Variants in RALGAPA2 observed in about 807,000 individuals in gnomAD.
RALGAPA2 encodes Ral GTPase activating protein catalytic subunit alpha 2.
Under a neutral mutation model 230.4 loss-of-function variants are expected in RALGAPA2, and 139 were observed. The ratio of observed to expected loss-of-function variants is 0.60; its 90% confidence interval spans 0.53 to 0.69. The LOEUF (loss-of-function observed/expected upper bound fraction) is 0.69, where lower values mean the gene tolerates loss of function less well. Ranked by LOEUF, RALGAPA2 falls within the 30% of genes least tolerant of loss-of-function variation. The probability of loss-of-function intolerance (pLI) is 0.00; values close to 1 mark genes in which losing one functional copy is unlikely to be tolerated. For synonymous variants in RALGAPA2, 847 were observed against 837.8 expected, an observed-to-expected ratio of 1.01 and a Z score of -0.19; for missense variants, 2,163 against 2,276.0, an observed-to-expected ratio of 0.95 and a Z score of 1.01.
rs1472904116 is a variant in RALGAPA2 at position 20,458,838 on chromosome 20, ACC to A, written c.5495+13989_5495+13990del. ...TATATAGACCTATATATATATATAG[ACC>A]TATATATATATAGACCTATATATAT... On this transcript the variant is annotated intron_variant, in intron 37 of 39. Coordinates refer to ENST00000202677, the MANE Select transcript of RALGAPA2 (RefSeq NM_020343.4). Among the ~76,000 whole-genome samples the A allele has an allele frequency of 2.0e-3, 263 of 128,918 alleles. 2 individuals are homozygous for A. The highest frequency in any genetic ancestry group is 7.3e-3 in the African/African-American group (251 of 34,172). 84.6% of individuals were successfully genotyped at this position (128,918 alleles called of 152,430 possible).
chr20:20,534,874 T>C (rs2145597601), intron 26 of RALGAPA2, among the ~76,000 whole-genome samples: 1 of 152,312 alleles, frequency 6.6e-6, no homozygotes, highest in East Asian at 1.9e-4. Flanking sequence ...AAGTCTGGTA[T>C]CACATAAACC....
chr20:20,523,788 T>C (rs1299821118), intron 30 of RALGAPA2, among the ~76,000 whole-genome samples: 1 of 152,206 alleles, frequency 6.6e-6, no homozygotes, highest in Non-Finnish European at 1.5e-5. Flanking sequence ...CCCTATAATA[T>C]GAACAGTTCT....
intron 17 of RALGAPA2, among the ~76,000 whole-genome samples, chr20:20,590,492 G>C (rs926760657): frequency 6.6e-6 from 1 of 152,148 alleles, no homozygotes; most frequent in African/African-American, 2.4e-5. Flanking sequence ...GATAAATAGA[G>C]TTGATTTCTT....
Position 20,425,147 on chromosome 20 carries a change from T to A in RALGAPA2, c.5496-12999A>T, listed in dbSNP as rs547764435. On this transcript the variant is annotated intron_variant, in intron 37 of 39. Transcript: ENST00000202677. ...TGATATACGATAGATAACAAGTAAA[T>A]GAAACTGACAAGTATAAGAAAACAT... Among the ~76,000 whole-genome samples the A allele has an allele frequency of 5.9e-5, 9 of 152,284 alleles. No individual in the cohort carries two copies. The East Asian group carries it at 1.7e-3, about 29-fold the overall frequency.
rs1428538819 is a variant in RALGAPA2, at chr20:20,521,114, GGCC to G, written c.3901-17_3901-15del. 1.3e-6 allele frequency: 2 copies of G among 1,584,152 alleles called. No individual in the cohort carries two copies. The highest frequency in any genetic ancestry group is 1.7e-6 in the Non-Finnish European group (2 of 1,158,820). ...GCAGTGCAAAACCTGTGAAAACAGA[GGCC>G]ATGTGCACCACGGATGCTACTCACC... On this transcript the variant is annotated splice_polypyrimidine_tract_variant and intron_variant, in intron 30 of 39. Transcript: ENST00000202677.
intron 9 of RALGAPA2, among the ~76,000 whole-genome samples, chr20:20,633,774 A>G (rs564530285): frequency 6.6e-6 from 1 of 152,348 alleles, no homozygotes; most frequent in South Asian, 2.1e-4. Flanking sequence ...CACCGTGCCC[A>G]GCCTACATTT....
chr20:20,490,340 C>T (rs562306356), intron 36 of RALGAPA2, among the ~76,000 whole-genome samples: 3 of 152,280 alleles, frequency 2.0e-5, no homozygotes, highest in South Asian at 2.1e-4. Flanking sequence ...AATGTCATTC[C>T]TTTACTAAAA....
intron 39 of RALGAPA2, among the ~76,000 whole-genome samples, chr20:20,393,951 G>A (rs560863543): frequency 6.6e-6 from 1 of 152,160 alleles, no homozygotes. Flanking sequence ...CGTTCTGCGA[G>A]CGAGAGGATC....
At chr20:20,622,645 T>C (rs1023774197) in intron 10 of RALGAPA2, among the ~76,000 whole-genome samples, 2 of 152,148 alleles carry the variant, frequency 1.3e-5, no homozygotes, top group African/African-American at 2.4e-5. Flanking sequence ...CATTTTCAGA[T>C]GAGAAAATTT....
chr20:20,695,454 C>T (rs1230457679), intron 1 of RALGAPA2, among the ~76,000 whole-genome samples: 1 of 152,214 alleles, frequency 6.6e-6, no homozygotes, highest in Non-Finnish European at 1.5e-5. Context: ...TTTCCAGTCA[C>T]AATGAGACCC....
intron 31 of RALGAPA2, among the ~76,000 whole-genome samples, chr20:20,516,245 C>T (rs1389179324): frequency 6.6e-6 from 1 of 152,200 alleles, no homozygotes; most frequent in Non-Finnish European, 1.5e-5. Flanking sequence ...TGTATCCCTG[C>T]ACCCACCCTG....
At chr20:20,543,539 AC>A (rs1301781350) in intron 24 of RALGAPA2, among the ~76,000 whole-genome samples, 2 of 152,244 alleles carry the variant, frequency 1.3e-5, no homozygotes, top group Non-Finnish European at 2.9e-5. Flanking sequence ...ACCATGGAAT[AC>A]TATGCAGCCA....
intron 16 of RALGAPA2, among the ~76,000 whole-genome samples, chr20:20,594,007 T>C (rs2065373912): frequency 6.6e-6 from 1 of 152,076 alleles, no homozygotes; most frequent in East Asian, 1.9e-4. Flanking sequence ...CCTTCAGGAA[T>C]AGCGGTCAGT....
At chr20:20,426,237 G>A (rs1221346302) in intron 37 of RALGAPA2, among the ~76,000 whole-genome samples, 1 of 152,188 alleles carries the variant, frequency 6.6e-6, no homozygotes, top group Non-Finnish European at 1.5e-5. Flanking sequence ...TGATCAGGAA[G>A]TATATATAAG....
At chr20:20,662,995 A>C (rs1185612738) in intron 3 of RALGAPA2, among the ~76,000 whole-genome samples, 1 of 152,230 alleles carries the variant, frequency 6.6e-6, no homozygotes, top group Non-Finnish European at 1.5e-5. Flanking sequence ...ACAGGTGATA[A>C]GTGATAGAGA....
In RALGAPA2 at chr20:20,605,226, G is replaced by A. The variant is rs373097093; in HGVS notation, c.1987C>T (p.Leu663=). 8.7e-6 allele frequency: 14 copies of A among 1,613,762 alleles called. No individual in the cohort carries two copies. The highest frequency in any genetic ancestry group is 1.2e-5 in the Non-Finnish European group (14 of 1,179,776). ...TGTTCACTTAATTTATCCAGAGGTA[G>A]GTTTGTCATCTCAACTCCATAAACG... The part of the protein sequence containing the change: ...RTVYGVEMTN[L]PLDKLSEQKE... The change falls in exon 15 of 40, where the codon CTA becomes TTA. Residue 663 remains leucine, a synonymous_variant. Transcript: ENST00000202677.
At chr20:20,464,096 T>C (rs2061362673) in intron 37 of RALGAPA2, among the ~76,000 whole-genome samples, 1 of 152,024 alleles carries the variant, frequency 6.6e-6, no homozygotes, top group Non-Finnish European at 1.5e-5. Flanking sequence ...TTGTGCTTGG[T>C]GAGATTTCTT....
At chr20:20,524,288 C>A in intron 30 of RALGAPA2, 118 bp downstream of exon 30, 1 of 1,347,770 alleles carries the variant, frequency 7.4e-7, no homozygotes, top group Non-Finnish European at 1.0e-6. Flanking sequence ...ACGTTTAAGC[C>A]ACCATAAATC....
At chr20:20,671,516 C>T (rs978691520) in intron 3 of RALGAPA2, among the ~76,000 whole-genome samples, 17 of 152,192 alleles carry the variant, frequency 1.1e-4, no homozygotes, top group South Asian at 2.1e-4. Flanking sequence ...AAAGCAGCAA[C>T]GAAGTTACTT....
Sources: allele counts gnomAD v4.1 joint callset (sites outside exome capture counted in the v4.1 genomes callset), GRCh38; gene constraint gnomAD v4.1.1; transcripts MANE v1.5; gene names NCBI Gene and HGNC (gene_info 2026-07-23, HGNC 2026-07-21).